TACR3: variants seen among roughly 807,000 people sequenced by gnomAD.
TACR3 encodes tachykinin receptor 3.
A neutral mutation model predicts 35.0 loss-of-function variants in TACR3; 34 were observed. The ratio of observed to expected loss-of-function variants is 0.97; its 90% CI spans 0.74 to 1.30. TACR3 has a LOEUF of 1.30. TACR3 is among the 50% of genes most tolerant of loss of function. TACR3 has a pLI of 0.00. For missense variants in TACR3, 558 were observed against 591.7 expected, an observed-to-expected ratio of 0.94 and a Z score of 0.59; for synonymous variants, 233 against 221.1, an observed-to-expected ratio of 1.05 and a Z score of -0.48.
intron 1 of TACR3, among the ~76,000 whole-genome samples, chr4:103,703,977 G>A (rs1160460270): frequency 4.6e-5 from 7 of 151,614 alleles, no homozygotes; most frequent in Admixed American, 1.3e-4. Flanking sequence ...GGTAGCAGGC[G>A]CCTCTAGTCC....
chr4:103,689,475 C>G (rs1175586630), intron 1 of TACR3, among the ~76,000 whole-genome samples: 1 of 151,846 alleles, frequency 6.6e-6, no homozygotes, highest in Non-Finnish European at 1.5e-5. Context: ...TACAGACTAT[C>G]AAAGATATAG....
intron 1 of TACR3, among the ~76,000 whole-genome samples, chr4:103,686,836 A>G (rs958820495): frequency 3.9e-5 from 6 of 152,166 alleles, no homozygotes; most frequent in African/African-American, 1.4e-4. Flanking sequence ...AACTGGTACC[A>G]TTCCTTCTGA....
chr4:103,644,496 AATG>A (rs1725419688), intron 3 of TACR3, among the ~76,000 whole-genome samples: 1 of 151,854 alleles, frequency 6.6e-6, no homozygotes, highest in Admixed American at 6.6e-5. Flanking sequence ...GATACAGTCT[AATG>A]ATATTCATTG....
chr4:103,599,025 A>G (rs1386743696), intron 3 of TACR3, among the ~76,000 whole-genome samples: 1 of 152,128 alleles, frequency 6.6e-6, no homozygotes, highest in African/African-American at 2.4e-5. Flanking sequence ...ATGGCATTGA[A>G]TCTGTAAATT....
intron 1 of TACR3, among the ~76,000 whole-genome samples, chr4:103,703,391 T>A (rs1455569794): frequency 2.0e-5 from 3 of 152,114 alleles, no homozygotes; most frequent in Non-Finnish European, 4.4e-5. Flanking sequence ...AGCATTTTGT[T>A]GTAGATGATG....
At chr4:103,685,895 G>C (rs968509742) in intron 1 of TACR3, among the ~76,000 whole-genome samples, 6 of 152,098 alleles carry the variant, frequency 3.9e-5, no homozygotes, top group Non-Finnish European at 4.4e-5. Flanking sequence ...TGTGTGGGTG[G>C]GGACATCTAT....
chr4:103,698,054 C>G (rs1307130766), intron 1 of TACR3, among the ~76,000 whole-genome samples: 2 of 152,118 alleles, frequency 1.3e-5, no homozygotes, highest in East Asian at 3.9e-4. Context: ...TGAAATACTA[C>G]TGTCTTCAAT....
chr4:103,604,227 A>G lies in TACR3; in HGVS notation c.889-12544T>C, dbSNP rs560988086. On this transcript the variant is annotated intron_variant, in intron 3 of 4. Transcript: ENST00000304883. Reference sequence around the variant, plus strand: ...ATGCAACAGAACAGAGGCCTCAGAAATAACACCACACATCTACAACCATCT... The same window carrying G: ...ATGCAACAGAACAGAGGCCTCAGAAGTAACACCACACATCTACAACCATCT... Among the ~76,000 whole-genome samples the G allele has an allele frequency of 1.4e-3, 209 of 152,314 alleles. 1 individual carries two copies. The highest frequency in any genetic ancestry group is 4.9e-3 in the African/African-American group (203 of 41,558).
intron 1 of TACR3, among the ~76,000 whole-genome samples, chr4:103,674,542 A>G (rs1726124982): frequency 6.6e-6 from 1 of 152,100 alleles, no homozygotes; most frequent in Admixed American, 6.6e-5. Context: ...ACAAGTAAAC[A>G]AAGCTACATT....
chr4:103,606,807 C>T (rs1397331292), intron 3 of TACR3, among the ~76,000 whole-genome samples: 1 of 152,134 alleles, frequency 6.6e-6, no homozygotes, highest in Non-Finnish European at 1.5e-5. Context: ...ATTGAATACC[C>T]TTTATTTCCT....
chr4:103,700,976 T>G (rs1028512385), intron 1 of TACR3, among the ~76,000 whole-genome samples: 31 of 152,188 alleles, frequency 2.0e-4, no homozygotes, highest in Admixed American at 1.9e-3. Flanking sequence ...GCATTCCCTT[T>G]GAAAACTGGC....
intron 1 of TACR3, among the ~76,000 whole-genome samples, chr4:103,679,722 G>A (rs1262656905): frequency 1.3e-5 from 2 of 151,820 alleles, no homozygotes; most frequent in Non-Finnish European, 1.5e-5. Context: ...TTAAATTTAT[G>A]TAATAACATT....
At chr4:103,703,055 A>T (rs1299266319) in intron 1 of TACR3, among the ~76,000 whole-genome samples, 1 of 152,182 alleles carries the variant, frequency 6.6e-6, no homozygotes, top group East Asian at 1.9e-4. Flanking sequence ...GTATAATAAA[A>T]AATAATAAAA....
chr4:103,660,554 TACAC>T (rs1259086834), intron 1 of TACR3, among the ~76,000 whole-genome samples: 1 of 147,242 alleles, frequency 6.8e-6, no homozygotes. Context: ...ACACAACAAA[TACAC>T]ACACATAAGA....
chr4:103,631,570 C>T (rs1725067871), intron 3 of TACR3, among the ~76,000 whole-genome samples: 1 of 152,090 alleles, frequency 6.6e-6, no homozygotes, highest in Admixed American at 6.6e-5. Context: ...TTAATATAGT[C>T]CTGAAAACAT....
intron 3 of TACR3, among the ~76,000 whole-genome samples, chr4:103,613,413 A>T (rs112548649): frequency 6.6e-6 from 1 of 152,078 alleles, no homozygotes; most frequent in African/African-American, 2.4e-5. Flanking sequence ...TCTGCCTTCC[A>T]GGTTCAAGCG....
chr4:103,612,671 C>T (rs746755515), intron 3 of TACR3, among the ~76,000 whole-genome samples: 2 of 152,032 alleles, frequency 1.3e-5, no homozygotes, highest in Admixed American at 6.6e-5. Context: ...ACCACACCAG[C>T]TAATTTTTGT....
chr4:103,590,622 TAACA>T (rs1723873174), intron 4 of TACR3, among the ~76,000 whole-genome samples: 1 of 152,100 alleles, frequency 6.6e-6, no homozygotes, highest in African/African-American at 2.4e-5. Flanking sequence ...ATTAAGTATT[TAACA>T]AACTTAAGGC....
intron 1 of TACR3, among the ~76,000 whole-genome samples, chr4:103,707,449 A>G (rs1383888892): frequency 1.3e-5 from 2 of 152,074 alleles, no homozygotes; most frequent in African/African-American, 4.8e-5. Context: ...TTAATTTTTT[A>G]TTCATTTATA....
Sources: allele counts gnomAD v4.1 joint callset (sites outside exome capture counted in the v4.1 genomes callset), GRCh38; gene constraint gnomAD v4.1.1; transcripts MANE v1.5; gene names NCBI Gene and HGNC (gene_info 2026-07-23, HGNC 2026-07-21).